SLC4A10: variants seen among roughly 807,000 people sequenced by gnomAD.
SLC4A10 encodes sodium-driven chloride bicarbonate exchanger.
Under a neutral mutation model 137.7 loss-of-function variants are expected in SLC4A10, and 42 were observed. The ratio of observed to expected loss-of-function variants is 0.30; its 90% CI spans 0.24 to 0.39. The LOEUF (loss-of-function observed/expected upper bound fraction) is 0.39, where lower values mean the gene tolerates loss of function less well. Among genes scored for constraint, SLC4A10 ranks in the 10% least tolerant of loss-of-function variants. The pLI is 1.00. For missense variants in SLC4A10, 925 were observed against 1,355.0 expected (o/e 0.68, Z 4.98); for synonymous variants, 474 against 464.1 (o/e 1.02, Z -0.27).
At chr2:161,793,892 A>G (rs2054478189) in intron 2 of SLC4A10, among the ~76,000 whole-genome samples, 1 of 152,114 alleles carries the variant, frequency 6.6e-6, no homozygotes. Flanking sequence ...TTTCTTTTGC[A>G]TAACTCAATT....
intron 3 of SLC4A10, among the ~76,000 whole-genome samples, chr2:161,812,512 C>T (rs899362630): frequency 3.3e-5 from 5 of 151,946 alleles, no homozygotes; most frequent in Admixed American, 6.6e-5. Flanking sequence ...ACCCTTGTTC[C>T]CTACCCTCCT....
chr2:161,697,023 C>T (rs1574414005), intron 1 of SLC4A10, among the ~76,000 whole-genome samples: 2 of 152,078 alleles, frequency 1.3e-5, no homozygotes, highest in Non-Finnish European at 2.9e-5. Context: ...TGGTATCTCA[C>T]TGTGGTTTTG....
At chr2:161,848,295 T>A (rs2059620931) in intron 4 of SLC4A10, among the ~76,000 whole-genome samples, 1 of 152,186 alleles carries the variant, frequency 6.6e-6, no homozygotes, top group Non-Finnish European at 1.5e-5. Context: ...CTTAGTCAGA[T>A]GCATAGTTTG....
At chr2:161,832,929 A>G (rs1373463250) in intron 3 of SLC4A10, among the ~76,000 whole-genome samples, 3 of 152,014 alleles carry the variant, frequency 2.0e-5, no homozygotes, top group South Asian at 4.1e-4. Flanking sequence ...TTTAGTAGAG[A>G]CGGGGTTTCA....
chr2:161,820,491 T>A (rs535195154), intron 3 of SLC4A10, among the ~76,000 whole-genome samples: 4 of 152,246 alleles, frequency 2.6e-5, no homozygotes, highest in Admixed American at 2.0e-4. Flanking sequence ...CTCAAAAGAA[T>A]CTCTGGCCTT....
At chr2:161,709,063 G>T (rs1442826892) in intron 1 of SLC4A10, among the ~76,000 whole-genome samples, 2 of 151,038 alleles carry the variant, frequency 1.3e-5, no homozygotes, top group Non-Finnish European at 3.0e-5. Context: ...TTAGCTTTTT[G>T]GGGGAGAGGG....
chr2:161,772,476 T>G (rs927170978), intron 2 of SLC4A10, among the ~76,000 whole-genome samples: 9 of 151,886 alleles, frequency 5.9e-5, no homozygotes, highest in African/African-American at 2.2e-4. Flanking sequence ...TAGCATTTAC[T>G]GAGATCATTT....
chr2:161,729,231 T>C (rs925486736), intron 1 of SLC4A10, among the ~76,000 whole-genome samples: 4 of 152,094 alleles, frequency 2.6e-5, no homozygotes, highest in Non-Finnish European at 5.9e-5. Context: ...ACCATGAAGT[T>C]TGGAAAGAAA....
At chr2:161,819,715 C>G (rs143229411) in intron 3 of SLC4A10, among the ~76,000 whole-genome samples, 10 of 152,054 alleles carry the variant, frequency 6.6e-5, no homozygotes, top group African/African-American at 2.4e-4. Flanking sequence ...AAGCTGGTCT[C>G]GAACTCCTGA....
intron 3 of SLC4A10, among the ~76,000 whole-genome samples, chr2:161,835,194 T>G (rs2058689379): frequency 6.6e-6 from 1 of 151,920 alleles, no homozygotes; most frequent in Non-Finnish European, 1.5e-5. Flanking sequence ...CGTGCCACCA[T>G]GCCCAGCTAA....
intron 1 of SLC4A10, among the ~76,000 whole-genome samples, chr2:161,642,371 A>C (rs1314159651): frequency 1.3e-5 from 2 of 151,936 alleles, no homozygotes; most frequent in East Asian, 3.9e-4. Flanking sequence ...AAGTATCTTG[A>C]ATGGGAATGG....
At chr2:161,689,339 G>A (rs2041754486) in intron 1 of SLC4A10, among the ~76,000 whole-genome samples, 1 of 152,066 alleles carries the variant, frequency 6.6e-6, no homozygotes, top group Non-Finnish European at 1.5e-5. Context: ...CACAGCAAGT[G>A]CTCTATATGG....
chr2:161,813,367 G>T (rs1420040954), intron 3 of SLC4A10, among the ~76,000 whole-genome samples: 1 of 152,014 alleles, frequency 6.6e-6, no homozygotes, highest in African/African-American at 2.4e-5. Context: ...CTGTACTTCT[G>T]CCAGGGGCAG....
chr2:161,854,506 T>G (rs1227936), intron 4 of SLC4A10, among the ~76,000 whole-genome samples: 3 of 152,094 alleles, frequency 2.0e-5, no homozygotes, highest in Non-Finnish European at 4.4e-5. Context: ...AACAGGCCCC[T>G]AATTATGCTA....
intron 3 of SLC4A10, among the ~76,000 whole-genome samples, chr2:161,808,633 T>G (rs2056241792): frequency 1.3e-5 from 2 of 152,110 alleles, no homozygotes; most frequent in Admixed American, 1.3e-4. Flanking sequence ...AAGTACCCAA[T>G]GTTTAGCCCC....
At chr2:161,679,204 T>A (rs1432411358) in intron 1 of SLC4A10, among the ~76,000 whole-genome samples, 1 of 152,166 alleles carries the variant, frequency 6.6e-6, no homozygotes, top group Non-Finnish European at 1.5e-5. Context: ...ACTCTTGTAC[T>A]CTAGGTTGTT....
At chr2:161,700,457 C>T (rs1242066877) in intron 1 of SLC4A10, among the ~76,000 whole-genome samples, 1 of 152,048 alleles carries the variant, frequency 6.6e-6, no homozygotes, top group East Asian at 1.9e-4. Flanking sequence ...ACTGATCATC[C>T]TTCGTTATGT....
chr2:161,972,249 A>G (rs1469346831), intron 23 of SLC4A10, among the ~76,000 whole-genome samples: 2 of 152,136 alleles, frequency 1.3e-5, no homozygotes, highest in African/African-American at 4.8e-5. Flanking sequence ...CTGAGTGTCT[A>G]CTTTTTATGA....
intron 1 of SLC4A10, among the ~76,000 whole-genome samples, chr2:161,739,028 A>T (rs568247231): frequency 6.6e-6 from 1 of 152,332 alleles, no homozygotes; most frequent in South Asian, 2.1e-4. Context: ...TTAAAAACAC[A>T]GTTACACTTT....
Sources: gnomAD v4.1 joint callset for allele counts (sites outside exome capture counted in the v4.1 genomes callset) on GRCh38, gnomAD v4.1.1 for gene constraint, MANE v1.5 for transcripts, NCBI Gene and HGNC (gene_info 2026-07-23, HGNC 2026-07-21) for gene names.